CDH4: variants seen among roughly 807,000 people sequenced by gnomAD.
CDH4 encodes cadherin 4, also known as cadherin-4.
CDH4 carries 33 observed loss-of-function variants against 86.0 expected under a neutral mutation model. The ratio of observed to expected loss-of-function variants is 0.38; its 90% CI spans 0.29 to 0.51. CDH4 has a LOEUF of 0.51. Ranked by LOEUF, CDH4 falls within the 20% of genes least tolerant of loss-of-function variation. The pLI is 0.86. For synonymous variants in CDH4, 555 were observed against 549.4 expected (o/e 1.01, Z -0.14); for missense variants, 1,114 against 1,307.4 (o/e 0.85, Z 2.28).
At chr20:61,399,906 C>T (rs1037121921) in intron 2 of CDH4, among the ~76,000 whole-genome samples, 2 of 152,326 alleles carry the variant, frequency 1.3e-5, no homozygotes, top group Admixed American at 6.5e-5. Flanking sequence ...CAGTGGTTCT[C>T]ACGCACTCCT....
intron 2 of CDH4, among the ~76,000 whole-genome samples, chr20:61,627,493 A>T (rs2086839716): frequency 6.6e-6 from 1 of 152,158 alleles, no homozygotes; most frequent in Admixed American, 6.5e-5. Flanking sequence ...CCCTGCCCCT[A>T]ATGTGACAAT....
intron 2 of CDH4, among the ~76,000 whole-genome samples, chr20:61,258,329 C>CAAAAAAAAAAAAAAAA (rs778048684): frequency 2.7e-4 from 17 of 62,274 alleles, no homozygotes; most frequent in East Asian, 1.4e-3. Flanking sequence ...GACTCCGTCT[C>CAAAAAAAAAAAAAAAA]AAAAAAAAAA....
At chr20:61,792,866 A>C (rs73611575) in intron 4 of CDH4, among the ~76,000 whole-genome samples, 20 of 152,066 alleles carry the variant, frequency 1.3e-4, no homozygotes, top group Admixed American at 9.2e-4. Flanking sequence ...GGTCAGGCTA[A>C]TCTTGAACTC....
intron 2 of CDH4, among the ~76,000 whole-genome samples, chr20:61,608,887 G>A (rs1438404826): frequency 3.3e-5 from 5 of 152,140 alleles, no homozygotes; most frequent in Non-Finnish European, 7.4e-5. Flanking sequence ...AGCCATGCTG[G>A]CAGCTGGGGC....
In CDH4 at chr20:61,516,569, C is replaced by G. The variant is rs1435246180; in HGVS notation, c.170-226994C>G. Among the ~76,000 whole-genome samples, 3 of 152,188 alleles carry G rather than the reference C, an allele frequency of 2.0e-5. No individual in the cohort carries two copies. The highest frequency in any genetic ancestry group is 4.8e-5 in the African/African-American group (2 of 41,454). ...CTGCCTCAGACCTGCCCCCCTGAGT[C>G]ACAGCATCACAGAAAACAGTTTACA... On this transcript the variant is annotated intron_variant, in intron 2 of 15. Transcript: ENST00000614565. The surrounding 1 kb of genome is among the most constrained non-coding windows in gnomAD (Gnocchi z 4.0).
intron 2 of CDH4, among the ~76,000 whole-genome samples, chr20:61,537,736 G>A (rs1200673096): frequency 6.6e-6 from 1 of 152,162 alleles, no homozygotes; most frequent in Non-Finnish European, 1.5e-5. Context: ...CAGATGCCTT[G>A]TTGGGAGTTA....
At chr20:61,372,242 G>A (rs905430461) in intron 2 of CDH4, among the ~76,000 whole-genome samples, 40 of 152,310 alleles carry the variant, frequency 2.6e-4, no homozygotes, top group African/African-American at 9.4e-4. Flanking sequence ...GGCTCCTGTG[G>A]GGAAGTCACA....
At chr20:61,300,961 G>C (rs563181370) in intron 2 of CDH4, among the ~76,000 whole-genome samples, 90 of 152,310 alleles carry the variant, frequency 5.9e-4, no homozygotes, top group Middle Eastern at 3.4e-3. Flanking sequence ...GCAGCTGGCA[G>C]CAGGGCCCTC....
chr20:61,536,075 A>G (rs1226754195), intron 2 of CDH4, among the ~76,000 whole-genome samples: 3 of 152,118 alleles, frequency 2.0e-5, no homozygotes, highest in Admixed American at 6.5e-5. Flanking sequence ...AGCCTGGAAG[A>G]CCATGGGAAT....
intron 2 of CDH4, among the ~76,000 whole-genome samples, chr20:61,446,034 C>A (rs2085348405): frequency 6.6e-6 from 1 of 152,150 alleles, no homozygotes; most frequent in South Asian, 2.1e-4. Context: ...ACTGTGGGTG[C>A]GCAGTTGATT....
At chr20:61,347,717 T>C (rs892043294) in intron 2 of CDH4, among the ~76,000 whole-genome samples, 5 of 152,182 alleles carry the variant, frequency 3.3e-5, no homozygotes, top group Non-Finnish European at 5.9e-5. Flanking sequence ...CGGGGGCTGG[T>C]GTTTGCGAAG....
chr20:61,830,041 T>G lies in CDH4; in HGVS notation c.577-14627T>G, dbSNP rs578107637. ...AGGCCCCAGATCTCTAAATTTTTTT[T>G]CTGTCCCCCACAGCCCTACCTTCAT... On this transcript the variant is annotated intron_variant, in intron 4 of 15. Coordinates refer to ENST00000614565, the MANE Select transcript of CDH4 (RefSeq NM_001794.5). Among the ~76,000 whole-genome samples, 8 of 151,924 alleles carry G rather than the reference T, an allele frequency of 5.3e-5. No homozygotes were observed. The South Asian group carries it at 1.7e-3, about 32-fold the overall frequency.
At chr20:61,625,990 G>A (rs966994704) in intron 2 of CDH4, among the ~76,000 whole-genome samples, 3 of 152,244 alleles carry the variant, frequency 2.0e-5, no homozygotes, top group Admixed American at 6.5e-5. Context: ...CTGCACCCAC[G>A]TTAGCGCCCC....
At chr20:61,688,165 C>G (rs1468813090) in intron 2 of CDH4, among the ~76,000 whole-genome samples, 1 of 152,010 alleles carries the variant, frequency 6.6e-6, no homozygotes, top group African/African-American at 2.4e-5. Context: ...TCATAGGGGT[C>G]AATGTTAGGG....
chr20:61,710,065 A>G (rs905455844), intron 2 of CDH4, among the ~76,000 whole-genome samples: 1 of 152,140 alleles, frequency 6.6e-6, no homozygotes, highest in Non-Finnish European at 1.5e-5. Flanking sequence ...GGCCTGGGGA[A>G]TGCAGAATCC....
intron 2 of CDH4, among the ~76,000 whole-genome samples, chr20:61,371,504 C>G (rs1303445566): frequency 6.6e-6 from 1 of 152,240 alleles, no homozygotes; most frequent in Admixed American, 6.5e-5. Flanking sequence ...AACCAGCCGT[C>G]GTATAGGTGG....
chr20:61,358,902 CG>C (rs527286785), intron 2 of CDH4, among the ~76,000 whole-genome samples: 65 of 152,140 alleles, frequency 4.3e-4, no homozygotes, highest in Admixed American at 3.6e-3. Flanking sequence ...CCCAGGGTGA[CG>C]GGGGGGTTTA....
intron 2 of CDH4, among the ~76,000 whole-genome samples, chr20:61,538,100 G>C (rs780289969): frequency 2.0e-5 from 3 of 152,086 alleles, no homozygotes; most frequent in Non-Finnish European, 4.4e-5. Flanking sequence ...CATTCACACA[G>C]GAGCTGTCCG....
chr20:61,888,357 C>A (rs1025171249), intron 7 of CDH4, among the ~76,000 whole-genome samples: 2 of 152,234 alleles, frequency 1.3e-5, no homozygotes, highest in Non-Finnish European at 2.9e-5. Flanking sequence ...GCAGAGCCAA[C>A]CTTCAGGCTC....
Sources: gnomAD v4.1 joint callset for allele counts (sites outside exome capture counted in the v4.1 genomes callset) on GRCh38, gnomAD v4.1.1 for gene constraint, Gnocchi (gnomAD v3.1) non-coding constraint, MANE v1.5 for transcripts, NCBI Gene and HGNC (gene_info 2026-07-23, HGNC 2026-07-21) for gene names.